C2CD3: variants seen among roughly 807,000 people sequenced by gnomAD.
C2CD3 encodes C2 domain-containing protein 3.
C2CD3 carries 148 observed loss-of-function variants against 234.0 expected under a neutral mutation model. The ratio of observed to expected loss-of-function variants is 0.63; its 90% CI spans 0.55 to 0.72. The LOEUF (loss-of-function observed/expected upper bound fraction) is 0.72, where lower values mean the gene tolerates loss of function less well. C2CD3 is among the 30% of genes least tolerant of loss of function. The pLI is 0.00. For missense variants in C2CD3, 2,577 were observed against 2,811.5 expected (o/e 0.92, Z 1.89); for synonymous variants, 1,000 against 1,035.4 (o/e 0.97, Z 0.66).
chr11:74,063,752 A>C (rs1293346207), intron 24 of C2CD3, among the ~76,000 whole-genome samples: 1 of 152,196 alleles, frequency 6.6e-6, no homozygotes, highest in East Asian at 1.9e-4. Context: ...CCTATTCAAC[A>C]TAGTGTTGTA....
chr11:74,150,516 C>CA (rs1162306851), intron 3 of C2CD3, among the ~76,000 whole-genome samples: 29 of 66,008 alleles, frequency 4.4e-4, no homozygotes, highest in African/African-American at 1.1e-3. Context: ...AAAAAAAAAA[C>CA]AAAAAAAAAA....
intron 29 of C2CD3, among the ~76,000 whole-genome samples, chr11:74,040,872 C>T (rs1953005646): frequency 6.6e-6 from 1 of 151,690 alleles, no homozygotes; most frequent in South Asian, 2.1e-4. Flanking sequence ...CCAGCCTGGG[C>T]AGCATAGGAA....
At chr11:74,023,663 C>T (rs1046271231) in intron 32 of C2CD3, among the ~76,000 whole-genome samples, 1 of 151,750 alleles carries the variant, frequency 6.6e-6, no homozygotes, top group Non-Finnish European at 1.5e-5. Context: ...TCCCCCTCTC[C>T]TTTTTCTCTC....
At chr11:74,029,294 A>C (rs1952426910) in intron 31 of C2CD3, among the ~76,000 whole-genome samples, 1 of 152,236 alleles carries the variant, frequency 6.6e-6, no homozygotes, top group Non-Finnish European at 1.5e-5. Flanking sequence ...CAATTTGCTT[A>C]CCACATTTCC....
chr11:74,118,357 A>G lies in C2CD3; in HGVS notation c.1391T>C (p.Phe464Ser). 1 of 1,613,112 alleles carries G rather than the reference A, an allele frequency of 6.2e-7. No individual in the cohort carries two copies. The highest frequency in any genetic ancestry group is 8.5e-7 in the Non-Finnish European group (1 of 1,179,138). Residue 464 changes from phenylalanine to serine, a missense_variant, in exon 9 of 33, where the codon TTC becomes TCC. Physicochemically the swap from Phe to Ser is radical, Grantham distance 155. Transcript: ENST00000334126. ...GACGATATCATCCTCTTCACTGAGG[A>G]AATCACTGATGCTGGTATCAGATTT... ...APKSDTSISDFLSEEDDIVPS... is the reference protein window; with the variant it reads ...APKSDTSISDSLSEEDDIVPS...
intron 29 of C2CD3, among the ~76,000 whole-genome samples, chr11:74,041,818 G>T (rs1242409163): frequency 2.0e-5 from 3 of 152,186 alleles, no homozygotes; most frequent in African/African-American, 7.2e-5. Context: ...ACATTTACAG[G>T]TGCATCAGTA....
rs534157854 is a variant in C2CD3, at chr11:74,026,895, C to T, written c.6921+1392G>A. ...CTGAGGCAGGAGAATTGCTTGAACC[C>T]GGGAGGCAGAGGTTGCAGTGAGCCG... On this transcript the variant is annotated intron_variant, in intron 32 of 32. Coordinates refer to ENST00000334126, the MANE Select transcript of C2CD3 (RefSeq NM_001286577.2). Among the ~76,000 whole-genome samples the T allele has an allele frequency of 3.4e-3, 488 of 142,078 alleles. 1 individual carries two copies. The highest frequency in any genetic ancestry group is 7.3e-3 in the Admixed American group (100 of 13,610). 93.2% of individuals were successfully genotyped at this position (142,078 alleles called of 152,430 possible). A position where few individuals can be genotyped will look rare whatever the true frequency, so the allele number is the denominator to read the frequency against.
At chr11:74,109,316 T>C in intron 11 of C2CD3, 164 bp from the exon 12 acceptor site, 1 of 541,812 alleles carries the variant, frequency 1.8e-6, no homozygotes. Context: ...TAGGATTGAA[T>C]GAGCAGGGAC....
At chr11:74,098,612 G>C (rs1394373233) in intron 15 of C2CD3, among the ~76,000 whole-genome samples, 1 of 152,132 alleles carries the variant, frequency 6.6e-6, no homozygotes, top group African/African-American at 2.4e-5. Flanking sequence ...TTTGGTGTCT[G>C]ACAGATAAGA....
At chr11:74,140,414 GTATC>G (rs1400654012) in intron 3 of C2CD3, among the ~76,000 whole-genome samples, 1 of 152,040 alleles carries the variant, frequency 6.6e-6, no homozygotes, top group Non-Finnish European at 1.5e-5. Context: ...TACTTAATCT[GTATC>G]TATCCATTAG....
rs552640606 is a variant in C2CD3 at position 74,132,658 on chromosome 11, T to C, written c.1217+186A>G. On this transcript the variant is annotated intron_variant, in intron 7 of 32. Coordinates refer to ENST00000334126, the MANE Select transcript of C2CD3 (RefSeq NM_001286577.2). ...AGGTAGAATGGGATCATTCTGTAAG[T>C]GAAGCCAAAAGTAAAGGGCTAAAGT... Among the ~76,000 whole-genome samples the C allele has an allele frequency of 2.0e-4, 30 of 152,278 alleles. No individual in the cohort carries two copies. In the South Asian group the frequency reaches 6.2e-3, roughly 32 times the overall value.
intron 3 of C2CD3, among the ~76,000 whole-genome samples, chr11:74,149,211 T>A (rs1356727533): frequency 6.6e-6 from 1 of 152,298 alleles, no homozygotes; most frequent in East Asian, 1.9e-4. Flanking sequence ...AATGTGCCAA[T>A]ATAGTAAACA....
Position 74,074,473 on chromosome 11 carries a change from G to C in C2CD3, c.4731C>G (p.Ser1577Arg), listed in dbSNP as rs771481924. The C allele has an allele frequency of 6.2e-7, 1 of 1,614,204 alleles. No individual in the cohort carries two copies. Among genetic ancestry groups the C allele is most frequent in the South Asian group, 1.1e-5 (1 of 91,088 alleles). ...GGAGCTGCTCAGACTCACTGTGGCT[G>C]CTGCAGTCCATGGAGTCCAGCTCAT... ...PTHELDSMDC[S>R]SHSESEQLPR... Residue 1577 changes from serine (S) to arginine (R), a missense_variant, in exon 24 of 33, where the codon AGC (serine) becomes AGG (arginine). Physicochemically the swap from Ser to Arg is moderately radical, Grantham distance 110. Coordinates refer to ENST00000334126, the MANE Select transcript of C2CD3 (RefSeq NM_001286577.2).
intron 24 of C2CD3, among the ~76,000 whole-genome samples, chr11:74,067,478 C>T (rs1407554808): frequency 6.6e-6 from 1 of 151,878 alleles, no homozygotes; most frequent in Non-Finnish European, 1.5e-5. Flanking sequence ...AACCAGTTTA[C>T]AAGCATATTA....
At chr11:74,075,484 A>G (rs1213771896) in intron 23 of C2CD3, among the ~76,000 whole-genome samples, 1 of 152,082 alleles carries the variant, frequency 6.6e-6, no homozygotes, top group Non-Finnish European at 1.5e-5. Context: ...ATAAACTGCC[A>G]ACATCACTCT....
intron 2 of C2CD3, among the ~76,000 whole-genome samples, chr11:74,166,248 C>T (rs1590985869): frequency 6.7e-6 from 1 of 149,300 alleles, no homozygotes; most frequent in Non-Finnish European, 1.5e-5. Context: ...AAGTGGGAGG[C>T]GGAGCTTGCA....
intron 23 of C2CD3, among the ~76,000 whole-genome samples, chr11:74,077,797 A>ATGTG (rs1565262959): frequency 4.0e-4 from 4 of 10,016 alleles, no homozygotes; most frequent in Admixed American, 9.4e-4. Context: ...ATATATATAT[A>ATGTG]TATATATATA....
At chr11:74,056,566 A>G (rs1052233973) in intron 25 of C2CD3, among the ~76,000 whole-genome samples, 8 of 152,206 alleles carry the variant, frequency 5.3e-5, no homozygotes, top group Non-Finnish European at 1.0e-4. Context: ...CAGATGAAGA[A>G]TCTGTGGCTC....
chr11:74,022,129 A>G (rs1195741366), intron 32 of C2CD3, among the ~76,000 whole-genome samples: 2 of 151,446 alleles, frequency 1.3e-5, no homozygotes, highest in Non-Finnish European at 2.9e-5. Context: ...GTCTCGGGGA[A>G]AAAAAAAAGA....
Sources: allele counts gnomAD v4.1 joint callset (sites outside exome capture counted in the v4.1 genomes callset), GRCh38; gene constraint gnomAD v4.1.1; transcripts MANE v1.5; gene names NCBI Gene and HGNC (gene_info 2026-07-23, HGNC 2026-07-21).